The following DAB1 variants were observed in gnomAD, a reference collection of about 807,000 sequenced individuals.
The protein encoded by DAB1 is disabled homolog 1.
In DAB1, 15 loss-of-function variants were observed where a neutral mutation model predicts 64.6. That is an observed-to-expected ratio of 0.23 (90% CI 0.16 to 0.36). DAB1 has a LOEUF of 0.36. Among genes scored for constraint, DAB1 ranks in the 10% least tolerant of loss-of-function variants. The pLI, the probability that DAB1 is intolerant of heterozygous loss-of-function variation, is 1.00. For missense variants in DAB1, 596 were observed against 706.7 expected (o/e 0.84, Z 1.78); for synonymous variants, 235 against 251.9 (o/e 0.93, Z 0.64).
At chr1:58,083,065 T>C (rs1650095151) in intron 5 of DAB1, among the ~76,000 whole-genome samples, 1 of 152,208 alleles carries the variant, frequency 6.6e-6, no homozygotes, top group African/African-American at 2.4e-5. Context: ...AAACCCTGCC[T>C]TTTTCTCCTC....
chr1:57,827,598 A>G (rs1286381657), intron 1 of DAB1, among the ~76,000 whole-genome samples: 2 of 152,212 alleles, frequency 1.3e-5, no homozygotes, highest in South Asian at 2.1e-4. Context: ...TTGGTACTCA[A>G]TAATTAGAAG....
chr1:57,182,040 C>T (rs1319890612), intron 2 of DAB1, among the ~76,000 whole-genome samples: 1 of 152,130 alleles, frequency 6.6e-6, no homozygotes, highest in Non-Finnish European at 1.5e-5. Context: ...TGCATGCCAC[C>T]ACGCCCAGCT....
intron 2 of DAB1, among the ~76,000 whole-genome samples, chr1:57,158,282 T>G (rs1201862101): frequency 6.6e-6 from 1 of 152,268 alleles, no homozygotes; most frequent in South Asian, 2.1e-4. Context: ...TTGTAGTGCA[T>G]TGGAAGGAAT....
At chr1:57,595,835 A>G (rs547006211) in intron 7 of DAB1, among the ~76,000 whole-genome samples, 3 of 152,128 alleles carry the variant, frequency 2.0e-5, no homozygotes, top group Non-Finnish European at 2.9e-5. Context: ...TCCTCCGGCC[A>G]TGTAGGATGT....
chr1:58,158,593 A>G (rs1655344286), intron 4 of DAB1, among the ~76,000 whole-genome samples: 1 of 152,154 alleles, frequency 6.6e-6, no homozygotes, highest in Non-Finnish European at 1.5e-5. Flanking sequence ...GTCAGACTAC[A>G]CACACTGGAG....
chr1:58,491,284 C>T (rs2100377690), intron 3 of DAB1, among the ~76,000 whole-genome samples: 1 of 152,282 alleles, frequency 6.6e-6, no homozygotes, highest in Non-Finnish European at 1.5e-5. Flanking sequence ...TGGAAAGGAA[C>T]AACCGGTACC....
intron 9 of DAB1, among the ~76,000 whole-genome samples, chr1:57,051,708 G>A (rs1429054747): frequency 6.6e-6 from 1 of 152,144 alleles, no homozygotes; most frequent in East Asian, 1.9e-4. Context: ...TCAACATCCA[G>A]TATGAAGAAA....
At chr1:57,368,982 A>T (rs932582698) in intron 1 of DAB1, among the ~76,000 whole-genome samples, 1 of 152,336 alleles carries the variant, frequency 6.6e-6, no homozygotes, top group South Asian at 2.1e-4. Context: ...GATTCAAAAG[A>T]TGTAGCTCAG....
At chr1:58,496,171 T>A (rs1021933057) in intron 3 of DAB1, among the ~76,000 whole-genome samples, 1 of 145,854 alleles carries the variant, frequency 6.9e-6, no homozygotes, top group African/African-American at 2.6e-5. Context: ...TTTTTAGACT[T>A]TTTTTTTTTG....
intron 11 of DAB1, among the ~76,000 whole-genome samples, chr1:57,017,552 G>T (rs1426390344): frequency 6.6e-6 from 1 of 152,288 alleles, no homozygotes; most frequent in Non-Finnish European, 1.5e-5. Flanking sequence ...CTCGCAAGGT[G>T]CCCATTTCCT....
At chr1:57,626,041 G>C (rs548472754) in intron 7 of DAB1, among the ~76,000 whole-genome samples, 1 of 152,200 alleles carries the variant, frequency 6.6e-6, no homozygotes, top group South Asian at 2.1e-4. Flanking sequence ...TATTAGTTTG[G>C]AATGGATCAT....
chr1:58,459,860 C>T (rs1366502599), intron 3 of DAB1, among the ~76,000 whole-genome samples: 2 of 152,128 alleles, frequency 1.3e-5, no homozygotes, highest in South Asian at 2.1e-4. Flanking sequence ...TGCCTGTAAT[C>T]CCAGCTACTC....
chr1:57,694,341 C>G (rs1646798578), intron 6 of DAB1, among the ~76,000 whole-genome samples: 2 of 152,034 alleles, frequency 1.3e-5, no homozygotes, highest in Admixed American at 6.6e-5. Context: ...GAGAGACTGG[C>G]TCTGGGTGAT....
At chr1:58,533,229 A>G (rs567129540) in intron 1 of DAB1, among the ~76,000 whole-genome samples, 1 of 152,238 alleles carries the variant, frequency 6.6e-6, no homozygotes, top group Non-Finnish European at 1.5e-5. Context: ...TCTATGATCT[A>G]TAAGAAAAGC....
intron 3 of DAB1, among the ~76,000 whole-genome samples, chr1:58,369,985 T>G (rs886438217): frequency 6.6e-6 from 1 of 152,244 alleles, no homozygotes; most frequent in African/African-American, 2.4e-5. Context: ...GTAGCACCTT[T>G]GTAAAGCACT....
chr1:57,691,247 C>T (rs896556088), intron 6 of DAB1, among the ~76,000 whole-genome samples: 5 of 151,926 alleles, frequency 3.3e-5, no homozygotes, highest in East Asian at 1.9e-4. Context: ...CACCAATCAG[C>T]GCTCTGTGTC....
chr1:57,939,719 C>T (rs1485542785), intron 5 of DAB1, among the ~76,000 whole-genome samples: 2 of 152,166 alleles, frequency 1.3e-5, no homozygotes, highest in Non-Finnish European at 2.9e-5. Context: ...TTGTGCCATT[C>T]TCCACAAAGC....
chr1:58,162,577 T>C (rs893951251), intron 4 of DAB1, among the ~76,000 whole-genome samples: 3 of 152,026 alleles, frequency 2.0e-5, no homozygotes, highest in Non-Finnish European at 2.9e-5. Context: ...TTGCACAGCA[T>C]ACACAAACAC....
chr1:57,784,792 G>T (rs1650262955), intron 6 of DAB1, among the ~76,000 whole-genome samples: 2 of 152,194 alleles, frequency 1.3e-5, no homozygotes, highest in Non-Finnish European at 2.9e-5. Context: ...TAACAGAAAA[G>T]TGCAAGATGA....
Sources: gnomAD v4.1 joint callset for allele counts (sites outside exome capture counted in the v4.1 genomes callset) on GRCh38, gnomAD v4.1.1 for gene constraint, MANE v1.5 for transcripts, NCBI Gene and HGNC (gene_info 2026-07-23, HGNC 2026-07-21) for gene names.